The following TENM2 variants were observed in gnomAD, a reference collection of about 807,000 sequenced individuals.
TENM2 encodes teneurin transmembrane protein 2.
A neutral mutation model predicts 245.2 loss-of-function variants in TENM2; 52 were observed. The observed-to-expected ratio is 0.21, with a 90% CI of 0.17 to 0.27. TENM2 has a LOEUF of 0.27. Ranked by LOEUF, TENM2 falls within the 10% of genes least tolerant of loss-of-function variation. TENM2 has a pLI of 1.00. For missense variants in TENM2, 3,046 were observed against 3,666.8 expected, an observed-to-expected ratio of 0.83 and a Z score of 4.37; for synonymous variants, 1,363 against 1,438.9, an observed-to-expected ratio of 0.95 and a Z score of 1.19.
chr5:168,253,501 C>T (rs1288116368), intron 27 of TENM2, among the ~76,000 whole-genome samples: 6 of 150,280 alleles, frequency 4.0e-5, no homozygotes. Context: ...TCTTGGCTCA[C>T]TGCAAGCTCC....
chr5:168,220,023 T>G (rs1763535555), intron 23 of TENM2, among the ~76,000 whole-genome samples: 1 of 152,122 alleles, frequency 6.6e-6, no homozygotes, highest in Admixed American at 6.5e-5. Flanking sequence ...TCTGACTTTC[T>G]TCTTTGGGCA....
chr5:167,830,909 A>G (rs1561831067), intron 2 of TENM2, among the ~76,000 whole-genome samples: 1 of 152,126 alleles, frequency 6.6e-6, no homozygotes, highest in South Asian at 2.1e-4. Flanking sequence ...TTTGAGAACC[A>G]CTGTTCTAGC....
At chr5:167,328,443 C>A (rs959483008) in intron 1 of TENM2, among the ~76,000 whole-genome samples, 3 of 152,056 alleles carry the variant, frequency 2.0e-5, no homozygotes, top group Non-Finnish European at 4.4e-5. Context: ...GATCTACCCG[C>A]GTTGGCCTCC....
intron 2 of TENM2, among the ~76,000 whole-genome samples, chr5:167,697,173 G>C (rs1240434923): frequency 1.3e-5 from 2 of 152,270 alleles, no homozygotes; most frequent in African/African-American, 4.8e-5. Context: ...GACCTCTCAA[G>C]GGTAAAACCC....
chr5:167,197,833 TTA>T, the TENM2 span, among the ~76,000 whole-genome samples: 3 of 151,984 alleles, frequency 2.0e-5, no homozygotes, highest in Non-Finnish European at 4.4e-5. Flanking sequence ...TATGAGATAT[TTA>T]TATGTCTCAT....
At chr5:167,415,195 T>C (rs1763102321) in intron 2 of TENM2, among the ~76,000 whole-genome samples, 2 of 152,130 alleles carry the variant, frequency 1.3e-5, no homozygotes, top group Admixed American at 1.3e-4. Context: ...ATTTCAACTG[T>C]AGGATAGGTA....
chr5:167,925,622 A>G (rs953573027), intron 3 of TENM2, among the ~76,000 whole-genome samples: 15 of 152,240 alleles, frequency 9.9e-5, no homozygotes, highest in East Asian at 1.9e-4. Context: ...CCAGAGGACT[A>G]TAAATCATTT....
chr5:167,823,560 T>G (rs1161066627), intron 2 of TENM2, among the ~76,000 whole-genome samples: 1 of 152,200 alleles, frequency 6.6e-6, no homozygotes, highest in African/African-American at 2.4e-5. Context: ...TCTTTTGTGA[T>G]GACAGGAGTG....
chr5:167,746,701 G>GAGAA (rs1191329217), intron 2 of TENM2, among the ~76,000 whole-genome samples: 2 of 149,574 alleles, frequency 1.3e-5, no homozygotes, highest in Non-Finnish European at 2.9e-5. Context: ...GAGAGAGAGA[G>GAGAA]AGAGAGAGAG....
intron 2 of TENM2, among the ~76,000 whole-genome samples, chr5:167,528,473 C>G (rs1350754387): frequency 6.6e-6 from 1 of 152,076 alleles, no homozygotes; most frequent in Non-Finnish European, 1.5e-5. Context: ...GTAATTTCAT[C>G]TTTAAACTTG....
chr5:167,229,577 G>A, the TENM2 span, among the ~76,000 whole-genome samples: 3 of 152,204 alleles, frequency 2.0e-5, no homozygotes, highest in African/African-American at 7.2e-5. Context: ...GTACAAGTGG[G>A]TGCCAGCTCT....
chr5:168,017,503 G>T (rs1167864564), intron 5 of TENM2, among the ~76,000 whole-genome samples: 2 of 152,214 alleles, frequency 1.3e-5, no homozygotes, highest in Non-Finnish European at 2.9e-5. Flanking sequence ...CACTGTTTGT[G>T]TGGTGAACTT....
chr5:167,765,986 A>G (rs1252706205), intron 2 of TENM2, among the ~76,000 whole-genome samples: 1 of 152,222 alleles, frequency 6.6e-6, no homozygotes, highest in Non-Finnish European at 1.5e-5. Flanking sequence ...AACAGTGGGC[A>G]AGATCTGGGC....
At chr5:167,689,839 C>T (rs74940903) in intron 2 of TENM2, among the ~76,000 whole-genome samples, 2,177 of 152,162 alleles carry the variant, frequency 0.014, 49 homozygotes, top group African/African-American at 0.05. Context: ...TTGGCTCCTA[C>T]AATCTCCACC....
At chr5:167,986,517 A>T (rs1783258680) in intron 4 of TENM2, among the ~76,000 whole-genome samples, 1 of 152,102 alleles carries the variant, frequency 6.6e-6, no homozygotes, top group Admixed American at 6.5e-5. Context: ...TTTTTGTAAG[A>T]CATCAAGGAC....
At chr5:167,616,333 T>C (rs1777786333) in intron 2 of TENM2, among the ~76,000 whole-genome samples, 1 of 152,138 alleles carries the variant, frequency 6.6e-6, no homozygotes, top group Non-Finnish European at 1.5e-5. Flanking sequence ...GTAAATTTGA[T>C]GGGGTGTGAA....
intron 7 of TENM2, 51 bp downstream of exon 9, chr5:168,062,316 T>C: frequency 7.0e-7 from 1 of 1,432,430 alleles, no homozygotes; most frequent in Non-Finnish European, 9.8e-7. Flanking sequence ...TATACGTATA[T>C]ATGTGTGTGT....
intron 1 of TENM2, among the ~76,000 whole-genome samples, chr5:167,362,407 T>C (rs1332895036): frequency 6.6e-6 from 1 of 152,230 alleles, no homozygotes; most frequent in Non-Finnish European, 1.5e-5. Context: ...TGGTCTAATA[T>C]ACGGTGTGAT....
rs562886050 is a variant in TENM2, at chr5:167,405,615, C to T, written c.502+30142C>T. Reference sequence around the variant, plus strand: ...AGTGAAGGCTTCAGAGACATCTCTTCGTATTGACAGTGTGCTCTGCAAAAG... The same window carrying T: ...AGTGAAGGCTTCAGAGACATCTCTTTGTATTGACAGTGTGCTCTGCAAAAG... On this transcript the variant is annotated intron_variant, in intron 2 of 28. Coordinates refer to ENST00000518659, the Ensembl canonical transcript of TENM2. Among the ~76,000 whole-genome samples the T allele has an allele frequency of 6.6e-5, 10 of 152,046 alleles. No homozygotes were observed. The South Asian group carries it at 1.5e-3, about 22-fold the overall frequency.
Sources: gnomAD v4.1 joint callset for allele counts (sites outside exome capture counted in the v4.1 genomes callset) on GRCh38, gnomAD v4.1.1 for gene constraint, MANE v1.5 for transcripts, NCBI Gene and HGNC (gene_info 2026-07-23, HGNC 2026-07-21) for gene names.